Variants in SF3A3 observed in about 807,000 individuals in gnomAD.
SF3A3 encodes splicing factor 3a subunit 3, also known as SAP 61.
SF3A3 carries 9 observed loss-of-function variants against 85.8 expected under a neutral mutation model. That is an observed-to-expected ratio of 0.10 (90% CI 0.06 to 0.18). The LOEUF is 0.18. Among genes scored for constraint, SF3A3 ranks in the 10% least tolerant of loss-of-function variants. The pLI is 1.00. For synonymous variants in SF3A3, 195 were observed against 204.4 expected, an observed-to-expected ratio of 0.95 and a Z score of 0.39; for missense variants, 306 against 593.3, an observed-to-expected ratio of 0.52 and a Z score of 5.03.
Position 37,957,794 on chromosome 1 carries a change from G to A in SF3A3, c.*392C>T, listed in dbSNP as rs1411533741. Reference sequence around the variant, plus strand: ...CCTGGGGTAATACTCATTCAGGGAAGCAGCAACAAAGGAGGGTGGGGAAAG... The same window carrying A: ...CCTGGGGTAATACTCATTCAGGGAAACAGCAACAAAGGAGGGTGGGGAAAG... On this transcript the variant is annotated 3_prime_UTR_variant, in exon 17 of 17. Transcript: ENST00000373019. 22 of 170,206 alleles carry A rather than the reference G, an allele frequency of 1.3e-4. 1 individual carries two copies. The highest frequency in any genetic ancestry group is 1.8e-4 in the Admixed American group (3 of 16,740). The allele number at this position is 170,206 out of a possible 1,614,324, so 10.5% of individuals were successfully genotyped here.
Position 37,958,258 on chromosome 1 carries a change from T to C in SF3A3, c.1434A>G (p.Glu478=), listed in dbSNP as rs1646233604. ...SERWQPDTEE[E]YEDSSGNVVN... ...CAACATTCCCACTTGAGTCTTCATA[T>C]TCTTCCTGAAAAGGAAGGGGTACAC... The change falls in exon 17 of 17, where the codon GAA becomes GAG. Residue 478 remains glutamate (E), a synonymous_variant. Transcript: ENST00000373019. 2 of 1,610,852 alleles carry C rather than the reference T, an allele frequency of 1.2e-6. No homozygotes were observed. The highest frequency in any genetic ancestry group is 4.5e-5 in the East Asian group (2 of 44,868).
intron 12 of SF3A3, among the ~76,000 whole-genome samples, chr1:37,975,290 C>T (rs1414790817): frequency 1.3e-5 from 2 of 152,026 alleles, no homozygotes; most frequent in African/African-American, 2.4e-5. Context: ...CCAAGGCAGG[C>T]GGATCACTTG....
At chr1:37,961,759 C>A (rs1207201894) in intron 15 of SF3A3, among the ~76,000 whole-genome samples, 3 of 37,802 alleles carry the variant, frequency 7.9e-5, no homozygotes, top group African/African-American at 1.0e-4. Context: ...GCAAGACTGC[C>A]AAAAAAAAAA....
At chr1:37,989,790 G>T in intron 1 of SF3A3, 80 bp downstream of exon 1, 2 of 1,319,256 alleles carry the variant, frequency 1.5e-6, no homozygotes, top group Non-Finnish European at 1.1e-6. Context: ...AGGTTCTGAG[G>T]GCCAAAGCAA....
At chr1:37,980,558 C>T (rs745351709) in intron 8 of SF3A3, 28 bp downstream of exon 8, 1 of 1,608,998 alleles carries the variant, frequency 6.2e-7, no homozygotes. Context: ...CCTGGCATGT[C>T]CACCATTCAC....
intron 14 of SF3A3, among the ~76,000 whole-genome samples, chr1:37,968,742 T>C (rs1557749363): frequency 6.6e-6 from 1 of 152,148 alleles, no homozygotes; most frequent in African/African-American, 2.4e-5. Flanking sequence ...CAATTAGTAA[T>C]ATGTATGACT....
intron 12 of SF3A3, among the ~76,000 whole-genome samples, chr1:37,974,247 A>T (rs1440442834): frequency 3.3e-5 from 5 of 152,012 alleles, no homozygotes; most frequent in Non-Finnish European, 5.9e-5. Context: ...TTAAAAAAAA[A>T]ATATTTCCTT....
chr1:37,960,778 G>T (rs1269207623), intron 15 of SF3A3: 2 of 151,712 alleles, frequency 1.3e-5, no homozygotes, highest in East Asian at 3.9e-4. Context: ...AGCCTCCCGA[G>T]TAGCTGGGAC....
chr1:37,975,719 G>A (rs559855068), intron 12 of SF3A3, among the ~76,000 whole-genome samples: 8 of 152,174 alleles, frequency 5.3e-5, no homozygotes, highest in Non-Finnish European at 1.0e-4. Flanking sequence ...CAGGTGACTA[G>A]TTCTACAGCT....
chr1:37,983,608 A>AAAAAAAAAT (rs1646435820), intron 6 of SF3A3, among the ~76,000 whole-genome samples: 1 of 146,156 alleles, frequency 6.8e-6, no homozygotes, highest in African/African-American at 2.5e-5. Flanking sequence ...AAAAAAAAAA[A>AAAAAAAAAT]GATTTATTTT....
In SF3A3 at chr1:37,969,288, C is replaced by T. The variant is rs1272947769; in HGVS notation, c.1281+66G>A. On this transcript the variant is annotated intron_variant, in intron 14 of 16. Coordinates refer to ENST00000373019, the MANE Select transcript of SF3A3 (RefSeq NM_006802.4). The stretch of plus-strand genomic sequence containing the variant: ...CAGTGGTCCACATAGGCTGCTCCTA[C>T]TCTTTTCTCTAAAAGTCTCATGTTT... The T allele has an allele frequency of 9.0e-6, 11 of 1,221,310 alleles. No homozygotes were observed. In the East Asian group the frequency reaches 2.6e-4, roughly 28 times the overall value. 75.7% of individuals were successfully genotyped at this position (1,221,310 alleles called of 1,614,324 possible). A position where few individuals can be genotyped will look rare whatever the true frequency, so the allele number is the denominator to read the frequency against.
At chr1:37,976,483 G>T (rs1379056580) in intron 12 of SF3A3, among the ~76,000 whole-genome samples, 2 of 152,110 alleles carry the variant, frequency 1.3e-5, no homozygotes, top group Non-Finnish European at 2.9e-5. Flanking sequence ...TGACTTACAT[G>T]AGATGACTTA....
chr1:37,978,617 T>C (rs1225734934), intron 11 of SF3A3, 103 bp downstream of exon 11: 2 of 670,484 alleles, frequency 3.0e-6, no homozygotes, highest in Non-Finnish European at 5.2e-6. Context: ...TGTCAACCAA[T>C]AACGGAGATA....
intron 12 of SF3A3, among the ~76,000 whole-genome samples, chr1:37,972,918 C>T (rs753754578): frequency 3.9e-5 from 6 of 152,166 alleles, no homozygotes; most frequent in Admixed American, 2.0e-4. Flanking sequence ...CGGTGGCTCA[C>T]GCCTGTAATC....
At position 37,962,364 on chromosome 1, in the gene SF3A3, G is replaced by A. The variant is rs1258591374; in HGVS notation, c.1373-2189C>T. ...CACGCCTGTAATCCCAACACTTTGG[G>A]AGGCTAAGGTGGGCAGATCACCTGA... On this transcript the variant is annotated intron_variant, in intron 15 of 16. Transcript: ENST00000373019. Among the ~76,000 whole-genome samples the A allele has an allele frequency of 3.4e-5, 5 of 145,436 alleles. No individual in the cohort carries two copies. The South Asian group carries it at 8.8e-4, about 26-fold the overall frequency.
At chr1:37,959,830 C>T (rs1041926616) in intron 16 of SF3A3, among the ~76,000 whole-genome samples, 21 of 151,676 alleles carry the variant, frequency 1.4e-4, no homozygotes, top group Non-Finnish European at 2.1e-4. Flanking sequence ...TGGTGGCGGG[C>T]GCCTGTAATC....
chr1:37,978,824 G>A lies in SF3A3; in HGVS notation c.831C>T (p.Thr277=). ...LLALGLKCGG[T]LEERAQRLFS... is the part of the protein sequence containing the mutation. The stretch of plus-strand genomic sequence containing the variant: ...ATAGTCTCTGGGCTCGCTCTTCTAG[G>A]GTCCTAAGGAGACAGGACGGCAAAG... The change falls in exon 11 of 17, where the codon ACC becomes ACT. Residue 277 remains threonine, a synonymous_variant. Coordinates refer to ENST00000373019, the MANE Select transcript of SF3A3 (RefSeq NM_006802.4). The A allele has an allele frequency of 1.3e-6, 2 of 1,572,906 alleles. No homozygotes were observed. The highest frequency in any genetic ancestry group is 1.2e-5 in the South Asian group (1 of 86,714).
In SF3A3 at chr1:37,979,523, C is replaced by T; in HGVS notation, c.701G>A (p.Ser234Asn). Residue 234 changes from serine (S) to asparagine (N), a missense_variant, in exon 9 of 17, where the codon AGC becomes AAC. Around this residue, in one of 4 missense-constraint regions of SF3A3, gnomAD observed 136 missense variants for 296.6 expected, o/e 0.46. Coordinates refer to ENST00000373019, the MANE Select transcript of SF3A3 (RefSeq NM_006802.4). ...GGCTCCAGCATGGGTCAGGGCACTG[C>T]TTGTCTCTTTCTGGAAAGAACAATA... ...GTFPGWPKETSSALTHAGAHL... is the reference protein window; with the variant it reads ...GTFPGWPKETNSALTHAGAHL... 1.2e-6 allele frequency: 2 copies of T among 1,611,972 alleles called. No homozygotes were observed. Among genetic ancestry groups the T allele is most frequent in the Non-Finnish European group, 1.7e-6 (2 of 1,178,226 alleles).
chr1:37,960,896 A>T (rs1033003470), intron 15 of SF3A3, among the ~76,000 whole-genome samples: 2 of 151,510 alleles, frequency 1.3e-5, no homozygotes, highest in African/African-American at 4.9e-5. Flanking sequence ...CTCGTGATCC[A>T]CCCGCCTCGG....
Sources: gnomAD v4.1 joint callset for allele counts (sites outside exome capture counted in the v4.1 genomes callset) on GRCh38, gnomAD v4.1.1 for gene constraint, gnomAD v4.1.1 regional missense constraint, MANE v1.5 for transcripts, NCBI Gene and HGNC (gene_info 2026-07-23, HGNC 2026-07-21) for gene names.